The following SLC8A1 variants were observed in gnomAD, a reference collection of about 807,000 sequenced individuals.
SLC8A1 encodes the protein sodium/calcium exchanger 1.
Under a neutral mutation model 68.3 loss-of-function variants are expected in SLC8A1, and 18 were observed. That is an observed-to-expected ratio of 0.26 (90% CI 0.18 to 0.39). The LOEUF is 0.39. Among genes scored for constraint, SLC8A1 ranks in the 10% least tolerant of loss-of-function variants. SLC8A1 has a pLI of 1.00. For missense variants in SLC8A1, 985 were observed against 1,156.7 expected (o/e 0.85, Z 2.15); for synonymous variants, 475 against 415.5 (o/e 1.14, Z -1.74).
chr2:40,422,438 G>A (rs990653581), intron 2 of SLC8A1, among the ~76,000 whole-genome samples: 3 of 152,106 alleles, frequency 2.0e-5, no homozygotes, highest in African/African-American at 7.2e-5. Context: ...ATAACCCCTT[G>A]TATGTCTTAG....
chr2:40,336,223 T>A (rs755791984), intron 2 of SLC8A1, among the ~76,000 whole-genome samples: 86 of 152,334 alleles, frequency 5.6e-4, no homozygotes, highest in Non-Finnish European at 5.9e-4. Flanking sequence ...GTACAGCAAC[T>A]ATCATATTGC....
At chr2:40,399,841 A>G (rs1346301818) in intron 2 of SLC8A1, among the ~76,000 whole-genome samples, 6 of 152,130 alleles carry the variant, frequency 3.9e-5, no homozygotes, top group African/African-American at 7.2e-5. Context: ...CTTATGCCCA[A>G]TTCCTGCCTC....
At chr2:40,125,520 A>G (rs2037894476) in intron 7 of SLC8A1, among the ~76,000 whole-genome samples, 1 of 152,204 alleles carries the variant, frequency 6.6e-6, no homozygotes, top group South Asian at 2.1e-4. Context: ...GCAGAGCAGC[A>G]CCAAAATCTT....
chr2:40,400,936 C>T (rs1271628366), intron 2 of SLC8A1, among the ~76,000 whole-genome samples: 1 of 152,114 alleles, frequency 6.6e-6, no homozygotes, highest in African/African-American at 2.4e-5. Context: ...ATTTGAAAAA[C>T]TTGGGAGAGA....
chr2:40,132,846 T>C (rs932151127), intron 7 of SLC8A1, among the ~76,000 whole-genome samples: 1 of 152,180 alleles, frequency 6.6e-6, no homozygotes, highest in African/African-American at 2.4e-5. Flanking sequence ...GTATATACAG[T>C]GCTTATGCCT....
At chr2:40,104,384 A>T (rs573154617) in exon 8 of SLC8A1, 4 of 152,244 alleles carry the variant, frequency 2.6e-5, no homozygotes, top group African/African-American at 4.8e-5. Flanking sequence ...AAAAGACCCT[A>T]TATCAAACTT....
chr2:40,463,895 T>G (rs1039785062), intron 1 of SLC8A1, among the ~76,000 whole-genome samples: 221 of 143,138 alleles, frequency 1.5e-3, no homozygotes, highest in Middle Eastern at 3.5e-3. Flanking sequence ...CACATATATA[T>G]ATAGAGAGAG....
At chr2:40,126,049 C>A (rs2038019458) in intron 7 of SLC8A1, among the ~76,000 whole-genome samples, 1 of 152,080 alleles carries the variant, frequency 6.6e-6, no homozygotes, top group Non-Finnish European at 1.5e-5. Context: ...ACGGAAGCTC[C>A]TTAGGGGTCA....
intron 2 of SLC8A1, among the ~76,000 whole-genome samples, chr2:40,266,315 C>T (rs1189899051): frequency 6.6e-6 from 1 of 152,130 alleles, no homozygotes; most frequent in Non-Finnish European, 1.5e-5. Flanking sequence ...GGAACAGTTT[C>T]ACCTAGGGTA....
chr2:40,250,817 A>G (rs1038752838), intron 2 of SLC8A1: 12 of 152,312 alleles, frequency 7.9e-5, no homozygotes, highest in South Asian at 2.1e-4. Context: ...GTACTTTAGC[A>G]CAATATAGGT....
intron 2 of SLC8A1, among the ~76,000 whole-genome samples, chr2:40,215,454 G>A (rs1000122721): frequency 1.3e-5 from 2 of 151,790 alleles, no homozygotes; most frequent in African/African-American, 4.8e-5. Context: ...TGGCTAACAA[G>A]GTGAAACCCC....
At chr2:40,176,882 G>A (rs1186105383) in intron 3 of SLC8A1, among the ~76,000 whole-genome samples, 1 of 151,954 alleles carries the variant, frequency 6.6e-6, no homozygotes, top group Non-Finnish European at 1.5e-5. Context: ...TTTTAAAATG[G>A]CCACCATTAG....
At chr2:40,460,459 G>A (rs1281408963) in intron 1 of SLC8A1, among the ~76,000 whole-genome samples, 1 of 152,096 alleles carries the variant, frequency 6.6e-6, no homozygotes, top group Non-Finnish European at 1.5e-5. Flanking sequence ...CAAATAGGGA[G>A]TGACTACTCC....
At chr2:40,216,705 T>G (rs542426619) in intron 2 of SLC8A1, among the ~76,000 whole-genome samples, 1 of 152,346 alleles carries the variant, frequency 6.6e-6, no homozygotes, top group African/African-American at 2.4e-5. Context: ...CTGAATGGCA[T>G]GAGATGGAAT....
At chr2:40,139,320 T>G in intron 7 of SLC8A1, 81 bp downstream of exon 10, 1 of 1,515,866 alleles carries the variant, frequency 6.6e-7, no homozygotes, top group Non-Finnish European at 9.0e-7. Flanking sequence ...ATCACAGCCC[T>G]TGAAATTGTA....
intron 2 of SLC8A1, among the ~76,000 whole-genome samples, chr2:40,325,094 CACAG>C (rs1164751946): frequency 1.3e-5 from 2 of 152,016 alleles, no homozygotes; most frequent in South Asian, 2.1e-4. Context: ...ACTTCCTCCC[CACAG>C]ACAGAGTCTG....
At chr2:40,102,517 A>C (rs2033955939) in exon 8 of SLC8A1, 1 of 152,156 alleles carries the variant, frequency 6.6e-6, no homozygotes, top group African/African-American at 2.4e-5. Context: ...ATGTAATTAG[A>C]ATCTGCAGTT....
chr2:40,428,985 T>G (rs1483273170), exon 2 of SLC8A1: 1 of 1,613,710 alleles, frequency 6.2e-7, no homozygotes, highest in South Asian at 1.1e-5. Context: ...AATCACCACC[T>G]CTGCGGATAA....
chr2:40,318,388 A>G (rs758831236), intron 2 of SLC8A1, among the ~76,000 whole-genome samples: 20 of 152,116 alleles, frequency 1.3e-4, no homozygotes, highest in Non-Finnish European at 2.4e-4. Flanking sequence ...TTTGACTCAC[A>G]CTTACTATGT....
Sources: gnomAD v4.1 joint callset for allele counts (sites outside exome capture counted in the v4.1 genomes callset) on GRCh38, gnomAD v4.1.1 for gene constraint, MANE v1.5 for transcripts, NCBI Gene and HGNC (gene_info 2026-07-23, HGNC 2026-07-21) for gene names.